MGAT4D: variants seen among roughly 807,000 people sequenced by gnomAD.
MGAT4D encodes the protein MGAT4 family member D, also known as alpha-1,3-mannosyl-glycoprotein 4-beta-N-acetylglucosaminyltransferase-like protein MGAT4D.
MGAT4D carries 34 observed loss-of-function variants against 15.9 expected under a neutral mutation model. That is an observed-to-expected ratio of 2.14 (90% CI 1.62 to 2.84). MGAT4D has a LOEUF of 2.84. Ranked by LOEUF, MGAT4D falls within the 30% of genes most tolerant of loss-of-function variation. The pLI is 0.00. For synonymous variants in MGAT4D, 112 were observed against 48.2 expected (o/e 2.33, Z -5.49); for missense variants, 327 against 140.2 (o/e 2.33, Z -6.73).
At chr4:140,496,485 A>G (rs1448622869) in intron 1 of MGAT4D, among the ~76,000 whole-genome samples, 1 of 152,234 alleles carries the variant, frequency 6.6e-6, no homozygotes, top group East Asian at 1.9e-4. Flanking sequence ...CTCAAAGTCT[A>G]CAGTTTCATT....
intron 1 of MGAT4D, among the ~76,000 whole-genome samples, chr4:140,493,647 A>G (rs1733653366): frequency 6.6e-6 from 1 of 152,108 alleles, no homozygotes; most frequent in South Asian, 2.1e-4. Flanking sequence ...ATGTCCCTAT[A>G]TAAGATGCTG....
At chr4:140,479,127 A>G (rs1732528064) in intron 3 of MGAT4D, among the ~76,000 whole-genome samples, 1 of 152,228 alleles carries the variant, frequency 6.6e-6, no homozygotes, top group Non-Finnish European at 1.5e-5. Context: ...TAAGGCTATT[A>G]CTGACCTTGG....
At chr4:140,462,205 G>C (rs1731233269) in intron 6 of MGAT4D, among the ~76,000 whole-genome samples, 1 of 152,052 alleles carries the variant, frequency 6.6e-6, no homozygotes, top group Non-Finnish European at 1.5e-5. Context: ...TCAATGAACA[G>C]TGTCTACCAT....
At chr4:140,495,686 CA>C (rs910303235) in intron 1 of MGAT4D, among the ~76,000 whole-genome samples, 2 of 152,048 alleles carry the variant, frequency 1.3e-5, no homozygotes, top group Non-Finnish European at 2.9e-5. Flanking sequence ...TAAAAATGAA[CA>C]AAAAGGTTAT....
At chr4:140,460,003 C>T (rs953461870) in intron 7 of MGAT4D, among the ~76,000 whole-genome samples, 1 of 151,878 alleles carries the variant, frequency 6.6e-6, no homozygotes, top group Admixed American at 6.6e-5. Context: ...AACTCCTGGG[C>T]TCAAGTGAGC....
At chr4:140,484,422 G>T (rs1388681585) in intron 1 of MGAT4D, among the ~76,000 whole-genome samples, 3 of 152,128 alleles carry the variant, frequency 2.0e-5, no homozygotes, top group African/African-American at 7.2e-5. Context: ...CTGTTGGCAG[G>T]AATATAAATT....
intron 6 of MGAT4D, among the ~76,000 whole-genome samples, chr4:140,463,970 C>G (rs1322132220): frequency 1.3e-5 from 2 of 152,050 alleles, no homozygotes; most frequent in African/African-American, 4.8e-5. Context: ...GAACTAAATC[C>G]AAGCCAATGG....
intron 6 of MGAT4D, chr4:140,462,473 T>C (rs530859691): frequency 3.9e-5 from 6 of 152,690 alleles, no homozygotes; most frequent in African/African-American, 1.4e-4. Context: ...CTTTAAACCA[T>C]TTCCCCTAAG....
At chr4:140,475,336 A>G (rs1732239945) in intron 3 of MGAT4D, among the ~76,000 whole-genome samples, 1 of 152,190 alleles carries the variant, frequency 6.6e-6, no homozygotes, top group Non-Finnish European at 1.5e-5. Context: ...AAAAATTACT[A>G]TGAAATATTT....
intron 6 of MGAT4D, 85 bp from the exon 7 acceptor site, chr4:140,462,089 G>A: frequency 3.2e-6 from 2 of 625,194 alleles, no homozygotes; most frequent in South Asian, 2.0e-5. Flanking sequence ...AAAACTCTTT[G>A]GCAGTTTACT....
chr4:140,474,839 A>T lies in MGAT4D; in HGVS notation c.499T>A (p.Ser167Thr), dbSNP rs1312357041. The T allele has an allele frequency of 1.4e-6, 1 of 696,110 alleles. No homozygotes were observed. The highest frequency in any genetic ancestry group is 2.6e-6 in the Non-Finnish European group (1 of 382,590). The allele number at this position is 696,110 out of a possible 1,614,324, so 43.1% of individuals were successfully genotyped here. Residue 167 changes from serine to threonine, a missense_variant, in exon 4 of 11, where the codon TCT becomes ACT. By Grantham distance (58) the Ser-to-Thr change is moderately conservative (BLOSUM62 1). Coordinates refer to ENST00000511113, the MANE Select transcript of MGAT4D (RefSeq NM_001277353.2). ...TCTGCAACCAAGACAATCACTACAG[A>T]ATCCTTCTCTTGGGAGAGCGTCATC... ...SRMTLSQEKD[S>T]VVIVLVADSN...
intron 7 of MGAT4D, among the ~76,000 whole-genome samples, chr4:140,460,586 A>G (rs1488258852): frequency 6.6e-6 from 1 of 152,198 alleles, no homozygotes; most frequent in African/African-American, 2.4e-5. Context: ...CTATAGTCCA[A>G]GCACTTTGGG....
chr4:140,483,272 A>G (rs191140564), intron 1 of MGAT4D, among the ~76,000 whole-genome samples: 2 of 152,308 alleles, frequency 1.3e-5, no homozygotes, highest in Admixed American at 1.3e-4. Flanking sequence ...AAACCACACC[A>G]TTTACAATGG....
chr4:140,488,960 A>G (rs1733329707), intron 1 of MGAT4D, among the ~76,000 whole-genome samples: 3 of 152,148 alleles, frequency 2.0e-5, no homozygotes, highest in Non-Finnish European at 4.4e-5. Flanking sequence ...GAAGCCAAGC[A>G]TATGTCAGCA....
intron 5 of MGAT4D, among the ~76,000 whole-genome samples, chr4:140,467,189 G>T (rs772832778): frequency 6.6e-6 from 1 of 151,778 alleles, no homozygotes; most frequent in Non-Finnish European, 1.5e-5. Context: ...TATATCAAAT[G>T]AAAAGATTTT....
At chr4:140,456,892 G>A (rs1560769524) in intron 8 of MGAT4D, 173 bp from the exon 9 acceptor site, 1 of 381,908 alleles carries the variant, frequency 2.6e-6, no homozygotes, top group Non-Finnish European at 4.7e-6. Flanking sequence ...ATCTGCTTAA[G>A]TATTAAGGAT....
chr4:140,474,736 T>C (rs1732199193), intron 4 of MGAT4D, 77 bp downstream of exon 4: 1 of 474,588 alleles, frequency 2.1e-6, no homozygotes, highest in African/African-American at 2.0e-5. Context: ...CATGGTACAA[T>C]GATTATTACC....
intron 3 of MGAT4D, 70 bp from the exon 4 acceptor site, chr4:140,475,016 T>C (rs1180671427): frequency 8.5e-6 from 4 of 468,010 alleles, no homozygotes; most frequent in African/African-American, 2.0e-5. Flanking sequence ...ATTCATTCTA[T>C]GCTTATTCCT....
chr4:140,489,299 T>A (rs1467515627), intron 1 of MGAT4D, among the ~76,000 whole-genome samples: 1 of 152,148 alleles, frequency 6.6e-6, no homozygotes, highest in African/African-American at 2.4e-5. Context: ...AATAATCAAA[T>A]CAAACTATGT....
Sources: gnomAD v4.1 joint callset for allele counts (sites outside exome capture counted in the v4.1 genomes callset) on GRCh38, gnomAD v4.1.1 for gene constraint, MANE v1.5 for transcripts, NCBI Gene and HGNC (gene_info 2026-07-23, HGNC 2026-07-21) for gene names.